The following THSD7B variants were observed in gnomAD, a reference collection of about 807,000 sequenced individuals.
THSD7B encodes the protein thrombospondin type-1 domain-containing protein 7B.
A neutral mutation model predicts 213.6 loss-of-function variants in THSD7B; 138 were observed. The ratio of observed to expected loss-of-function variants is 0.65; its 90% CI spans 0.56 to 0.74. The LOEUF is 0.74. THSD7B is among the 30% of genes least tolerant of loss of function. The pLI is 0.00. For missense variants in THSD7B, 1,931 were observed against 1,991.5 expected (o/e 0.97, Z 0.58); for synonymous variants, 742 against 687.0 (o/e 1.08, Z -1.25).
rs537487348 is a variant in THSD7B, at chr2:137,055,289, T to G, written c.140-1131T>G. 4.6e-5 allele frequency among the ~76,000 whole-genome samples: 7 copies of G among 152,244 alleles called. 1 individual carries two copies. In the South Asian group the frequency reaches 1.5e-3, roughly 32 times the overall value. On this transcript the variant is annotated intron_variant, in intron 2 of 27. Transcript: ENST00000409968. Reference sequence around the variant, plus strand: ...TAGAATGATTTATAATCCTTTGGGATCAATCCTTTATACCCAGTAATGAGA... The same window carrying G: ...TAGAATGATTTATAATCCTTTGGGAGCAATCCTTTATACCCAGTAATGAGA...
At chr2:137,339,275 C>T (rs1011169547) in intron 12 of THSD7B, among the ~76,000 whole-genome samples, 1 of 24,576 alleles carries the variant, frequency 4.1e-5, no homozygotes, top group South Asian at 1.5e-3. Flanking sequence ...ATCCAGAAAT[C>T]ACTGGAGCCA....
chr2:137,242,470 A>G lies in THSD7B; in HGVS notation c.2164A>G (p.Thr722Ala). The G allele has an allele frequency of 6.2e-7, 1 of 1,613,694 alleles. No homozygotes were observed. The highest frequency in any genetic ancestry group is 8.5e-7 in the Non-Finnish European group (1 of 1,179,666). Residue 722 changes from threonine to alanine, a missense_variant, in exon 10 of 28, where the codon ACT becomes GCT. By Grantham distance (58) the Thr-to-Ala change is moderately conservative. Transcript: ENST00000409968. The stretch of plus-strand genomic sequence containing the variant: ...TCACATTGACAGATGTCCAGATTCT[A>G]CTCGACCTGAAACTGTGCGCCCCTG... Reference protein sequence around the residue: ...QVMTKRCPDSTRPETVRPCFL... With the variant: ...QVMTKRCPDSARPETVRPCFL...
chr2:137,479,298 G>C (rs1478425918), intron 15 of THSD7B, among the ~76,000 whole-genome samples: 1 of 152,196 alleles, frequency 6.6e-6, no homozygotes, highest in Non-Finnish European at 1.5e-5. Context: ...AAGCCACCAG[G>C]AGGAGTGCTC....
intron 2 of THSD7B, among the ~76,000 whole-genome samples, chr2:137,029,928 G>GT (rs1686631246): frequency 6.6e-6 from 1 of 152,130 alleles, no homozygotes. Flanking sequence ...GGAGCTAATA[G>GT]GGAAGAGGTA....
intron 5 of THSD7B, among the ~76,000 whole-genome samples, chr2:137,121,843 G>T (rs551525387): frequency 3.3e-5 from 5 of 152,276 alleles, no homozygotes; most frequent in South Asian, 2.1e-4. Context: ...AATTCTCTTT[G>T]TTTTTTAGAT....
chr2:137,200,325 G>C (rs1680849818), intron 7 of THSD7B, among the ~76,000 whole-genome samples: 1 of 151,906 alleles, frequency 6.6e-6, no homozygotes, highest in African/African-American at 2.4e-5. Flanking sequence ...ATCTCCATTT[G>C]AACCCACTTT....
intron 7 of THSD7B, among the ~76,000 whole-genome samples, chr2:137,190,136 C>T (rs764664068): frequency 2.0e-5 from 3 of 152,128 alleles, no homozygotes; most frequent in African/African-American, 4.8e-5. Context: ...TGTAGGCTTC[C>T]GCTGGATGTG....
At chr2:136,900,301 T>C (rs1684042113) in intron 2 of THSD7B, among the ~76,000 whole-genome samples, 1 of 152,232 alleles carries the variant, frequency 6.6e-6, no homozygotes, top group South Asian at 2.1e-4. Context: ...TGTTTGTTCT[T>C]ACTGCCTTTC....
intron 16 of THSD7B, among the ~76,000 whole-genome samples, chr2:137,564,966 T>G (rs76592608): frequency 0.013 from 1,926 of 152,106 alleles, 53 homozygotes; most frequent in African/African-American, 0.043. Flanking sequence ...AAGAAGTAAT[T>G]AAGGTAAAAT....
At chr2:136,953,604 TA>T (rs1277195888) in intron 2 of THSD7B, among the ~76,000 whole-genome samples, 1 of 152,176 alleles carries the variant, frequency 6.6e-6, no homozygotes, top group Non-Finnish European at 1.5e-5. Flanking sequence ...GAGTCAGACT[TA>T]AATGGAGCAT....
At chr2:137,316,035 T>C (rs1043228423) in intron 12 of THSD7B, among the ~76,000 whole-genome samples, 1 of 152,256 alleles carries the variant, frequency 6.6e-6, no homozygotes, top group African/African-American at 2.4e-5. Flanking sequence ...AAATTCTTGG[T>C]ATTATGTGTG....
At chr2:137,156,616 C>A (rs1027559443) in intron 5 of THSD7B, among the ~76,000 whole-genome samples, 1 of 152,158 alleles carries the variant, frequency 6.6e-6, no homozygotes, top group Non-Finnish European at 1.5e-5. Context: ...CTCACAACCC[C>A]CATAATCCTC....
intron 3 of THSD7B, among the ~76,000 whole-genome samples, chr2:137,062,447 T>A (rs2104882611): frequency 6.6e-6 from 1 of 151,882 alleles, no homozygotes; most frequent in Middle Eastern, 3.4e-3. Context: ...AGATCTCTCT[T>A]CTTTACTATT....
At chr2:136,938,939 C>A (rs1217656015) in intron 2 of THSD7B, among the ~76,000 whole-genome samples, 1 of 152,134 alleles carries the variant, frequency 6.6e-6, no homozygotes, top group Non-Finnish European at 1.5e-5. Flanking sequence ...AATAATACAA[C>A]CCACACTGCT....
chr2:137,190,798 G>A (rs1680641596), intron 7 of THSD7B, among the ~76,000 whole-genome samples: 1 of 152,192 alleles, frequency 6.6e-6, no homozygotes, highest in Non-Finnish European at 1.5e-5. Flanking sequence ...CTTTTAAGGG[G>A]ATTGCACCTT....
chr2:137,289,390 A>C (rs1683265741), intron 12 of THSD7B, among the ~76,000 whole-genome samples: 1 of 152,082 alleles, frequency 6.6e-6, no homozygotes, highest in Non-Finnish European at 1.5e-5. Context: ...TTTAAGTAAC[A>C]GAGTTTTCTC....
At chr2:136,901,986 A>G (rs1338403783) in intron 2 of THSD7B, among the ~76,000 whole-genome samples, 1 of 152,244 alleles carries the variant, frequency 6.6e-6, no homozygotes, top group African/African-American at 2.4e-5. Flanking sequence ...ATGTTGAAGC[A>G]GTGTTCAGAA....
intron 17 of THSD7B, among the ~76,000 whole-genome samples, chr2:137,588,907 G>A (rs960413549): frequency 1.3e-5 from 2 of 152,034 alleles, no homozygotes; most frequent in Admixed American, 6.6e-5. Flanking sequence ...AGCCTCCTGA[G>A]TAGGTGGGAT....
At chr2:137,401,227 G>A (rs1449678918) in intron 12 of THSD7B, among the ~76,000 whole-genome samples, 1 of 152,164 alleles carries the variant, frequency 6.6e-6, no homozygotes, top group African/African-American at 2.4e-5. Flanking sequence ...CAGGAGTTGT[G>A]CAATGGAAGG....
Sources: gnomAD v4.1 joint callset for allele counts (sites outside exome capture counted in the v4.1 genomes callset) on GRCh38, gnomAD v4.1.1 for gene constraint, MANE v1.5 for transcripts, NCBI Gene and HGNC (gene_info 2026-07-23, HGNC 2026-07-21) for gene names.